IFT74: variants seen among roughly 807,000 people sequenced by gnomAD.
The protein encoded by IFT74 is intraflagellar transport protein 74 homolog.
Under a neutral mutation model 96.7 loss-of-function variants are expected in IFT74, and 92 were observed. That is an observed-to-expected ratio of 0.95 (90% CI 0.80 to 1.13). IFT74 has a LOEUF of 1.13. Ranked by LOEUF, IFT74 falls within the 50% of genes most tolerant of loss-of-function variation. The pLI is 0.00. For missense variants in IFT74, 811 were observed against 698.2 expected (o/e 1.16, Z -1.82); for synonymous variants, 223 against 213.2 (o/e 1.05, Z -0.40).
chr9:27,007,128 T>C (rs1169083791), intron 8 of IFT74, among the ~76,000 whole-genome samples: 26 of 152,208 alleles, frequency 1.7e-4, no homozygotes, highest in African/African-American at 4.6e-4. Context: ...TGAGCCACCA[T>C]GCCCAGCCTG....
rs56131867 is a variant in IFT74, at chr9:27,056,858, GGATAGATAGATAGATAGATAGATA to G, written c.1623+424_1623+447del. The stretch of plus-strand genomic sequence containing the variant: ...TTTAGTGTGGGTTCTTTTAGTCAAT[GGATAGATAGATAGATAGATAGATA>G]GATAGATAGATAGATAGATAGATAT... On this transcript the variant is annotated intron_variant, in intron 18 of 19. Coordinates refer to ENST00000380062, the MANE Select transcript of IFT74 (RefSeq NM_025103.4). Among the ~76,000 whole-genome samples, 5 of 144,684 alleles carry G rather than the reference GGATAGATAGATAGATAGATAGATA, an allele frequency of 3.5e-5. No individual in the cohort carries two copies. The South Asian group carries it at 9.2e-4, about 27-fold the overall frequency. 94.9% of individuals were successfully genotyped at this position (144,684 alleles called of 152,430 possible). A position where few individuals can be genotyped will look rare whatever the true frequency, so the allele number is the denominator to read the frequency against.
At chr9:26,990,641 T>C (rs1196678402) in intron 8 of IFT74, among the ~76,000 whole-genome samples, 1 of 152,234 alleles carries the variant, frequency 6.6e-6, no homozygotes, top group East Asian at 1.9e-4. Context: ...AGATTGTATG[T>C]GTGTCTTTAT....
rs1194824491 is a variant in IFT74 at position 26,963,166 on chromosome 9, A to G, written c.120+1079A>G. Among the ~76,000 whole-genome samples the G allele has an allele frequency of 4.0e-5, 6 of 151,206 alleles. No individual in the cohort carries two copies. In the East Asian group the frequency reaches 9.8e-4, roughly 25 times the overall value. On this transcript the variant is annotated intron_variant, in intron 2 of 19. Transcript: ENST00000380062. ...ATATTCCCCTTCCTGTGTCCATGTGATCTCATTGTTCAATTCCCACCTATG... is the reference window on the plus strand; with the variant it reads ...ATATTCCCCTTCCTGTGTCCATGTGGTCTCATTGTTCAATTCCCACCTATG...
In IFT74 at chr9:27,042,764, AG is replaced by A. The variant is rs537660266; in HGVS notation, c.1055-1976del. Among the ~76,000 whole-genome samples, 469 of 152,324 alleles carry A rather than the reference AG, an allele frequency of 3.1e-3. 2 individuals carry two copies. Among genetic ancestry groups the A allele is most frequent in the Non-Finnish European group, 4.9e-3 (336 of 68,016 alleles). ...ACTTAAATAGCCAGAACAAGAAACT[AG>A]GACTTTCTTGGAAACATGGGCCATG... On this transcript the variant is annotated intron_variant, in intron 13 of 19. Transcript: ENST00000380062.
chr9:26,986,977 G>C (rs1308175161), intron 6 of IFT74, among the ~76,000 whole-genome samples: 1 of 152,164 alleles, frequency 6.6e-6, no homozygotes, highest in Admixed American at 6.5e-5. Context: ...ACATTTTGTA[G>C]AGCCCATTAT....
At chr9:27,057,714 C>T (rs1399538695) in intron 18 of IFT74, among the ~76,000 whole-genome samples, 1 of 151,992 alleles carries the variant, frequency 6.6e-6, no homozygotes, top group Non-Finnish European at 1.5e-5. Flanking sequence ...AAAAATTAGC[C>T]AGGAGTGGTG....
intron 8 of IFT74, among the ~76,000 whole-genome samples, chr9:27,002,635 T>A (rs1281312840): frequency 6.6e-6 from 1 of 152,220 alleles, no homozygotes; most frequent in Non-Finnish European, 1.5e-5. Flanking sequence ...TCTATTCCAT[T>A]CCATTGGTCT....
intron 8 of IFT74, chr9:26,993,314 T>C (rs1465512043): frequency 6.6e-6 from 1 of 152,156 alleles, no homozygotes; most frequent in African/African-American, 2.4e-5. Flanking sequence ...GAATGATACA[T>C]TGTTTAGAAA....
chr9:27,038,910 G>T (rs1819337988), intron 13 of IFT74, among the ~76,000 whole-genome samples: 1 of 152,146 alleles, frequency 6.6e-6, no homozygotes, highest in Admixed American at 6.5e-5. Context: ...GATGCTTCAA[G>T]AAAAAAGGAG....
At chr9:27,056,150 A>C (rs1820148124) in intron 17 of IFT74, among the ~76,000 whole-genome samples, 184 bp from the exon 18 acceptor site, 1 of 152,136 alleles carries the variant, frequency 6.6e-6, no homozygotes, top group Non-Finnish European at 1.5e-5. Context: ...TAATAGAGTT[A>C]TTAATACAGA....
chr9:26,993,947 A>G (rs1587307052), intron 8 of IFT74: 1 of 152,242 alleles, frequency 6.6e-6, no homozygotes, highest in Non-Finnish European at 1.5e-5. Context: ...GGTAAAAATT[A>G]TAGATTGTGC....
chr9:26,975,970 T>C (rs1464052687), intron 2 of IFT74, among the ~76,000 whole-genome samples: 1 of 152,212 alleles, frequency 6.6e-6, no homozygotes, highest in Admixed American at 6.5e-5. Context: ...ACAGCAGTAG[T>C]GTTAACATCA....
intron 13 of IFT74, among the ~76,000 whole-genome samples, chr9:27,030,760 T>C (rs770719617): frequency 4.6e-5 from 7 of 152,166 alleles, no homozygotes; most frequent in Admixed American, 6.5e-5. Context: ...TGATTTCTCC[T>C]TTCTTAGTTG....
intron 11 of IFT74, among the ~76,000 whole-genome samples, chr9:27,018,404 C>T (rs1449441935): frequency 1.3e-5 from 2 of 152,102 alleles, no homozygotes; most frequent in Non-Finnish European, 2.9e-5. Flanking sequence ...CTCATGGTGC[C>T]TGGAGGGTAG....
intron 18 of IFT74, among the ~76,000 whole-genome samples, chr9:27,058,645 C>A (rs1228505235): frequency 1.3e-5 from 2 of 152,242 alleles, no homozygotes; most frequent in Non-Finnish European, 2.9e-5. Flanking sequence ...GCCTCGGCCT[C>A]CCAAAGTGCT....
At chr9:26,986,631 A>T (rs1217229163) in intron 6 of IFT74, among the ~76,000 whole-genome samples, 2 of 149,294 alleles carry the variant, frequency 1.3e-5, no homozygotes, top group Non-Finnish European at 3.0e-5. Context: ...TTTATTTTTT[A>T]ATTTTTTTAG....
intron 8 of IFT74, among the ~76,000 whole-genome samples, chr9:26,992,917 C>T (rs980365087): frequency 1.3e-5 from 2 of 152,226 alleles, no homozygotes; most frequent in South Asian, 4.1e-4. Context: ...TTAGTGTGGT[C>T]TGACCATCTG....
At chr9:27,058,608 G>A (rs1474577060) in intron 18 of IFT74, among the ~76,000 whole-genome samples, 1 of 151,982 alleles carries the variant, frequency 6.6e-6, no homozygotes, top group Non-Finnish European at 1.5e-5. Context: ...GGCTGGTCTC[G>A]AACTCCTGAC....
chr9:27,055,669 A>G lies in IFT74; in HGVS notation c.1394A>G (p.Glu465Gly). The change falls in exon 17 of 20, where the codon GAA (glutamate) becomes GGA (glycine). Residue 465 changes from glutamate (E) to glycine (G), a missense_variant. Transcript: ENST00000380062. ...GAGCTTCTAGAAAGTAAGATGACTG[A>G]AGAACAGCATTCTCTAAAAAGCAAA... ...KMELLESKMT[E>G]EQHSLKSKIK... 1 of 1,593,382 alleles carries G rather than the reference A, an allele frequency of 6.3e-7. No individual in the cohort carries two copies. Among genetic ancestry groups the G allele is most frequent in the East Asian group, 2.3e-5 (1 of 43,286 alleles).
Sources: gnomAD v4.1 joint callset for allele counts (sites outside exome capture counted in the v4.1 genomes callset) on GRCh38, gnomAD v4.1.1 for gene constraint, MANE v1.5 for transcripts, NCBI Gene and HGNC (gene_info 2026-07-23, HGNC 2026-07-21) for gene names.